Variants in KCNH8 observed in about 807,000 individuals in gnomAD.
The protein encoded by KCNH8 is potassium voltage-gated channel subfamily H member 8.
In KCNH8, 70 loss-of-function variants were observed where a neutral mutation model predicts 103.6. That is an observed-to-expected ratio of 0.68 (90% CI 0.56 to 0.82). KCNH8 has a LOEUF of 0.82. Among genes scored for constraint, KCNH8 ranks in the 40% least tolerant of loss-of-function variants. The probability of loss-of-function intolerance (pLI) is 0.00; values close to 1 mark genes in which losing one functional copy is unlikely to be tolerated. For synonymous variants in KCNH8, 498 were observed against 489.4 expected (o/e 1.02, Z -0.23); for missense variants, 1,217 against 1,329.9 (o/e 0.92, Z 1.32).
At chr3:19,491,582 T>A (rs2068322706) in intron 11 of KCNH8, among the ~76,000 whole-genome samples, 1 of 152,234 alleles carries the variant, frequency 6.6e-6, no homozygotes, top group Non-Finnish European at 1.5e-5. Flanking sequence ...CTTTATCCAA[T>A]CCACCACTGA....
At chr3:19,356,687 C>T (rs1042558076) in intron 5 of KCNH8, among the ~76,000 whole-genome samples, 1 of 151,950 alleles carries the variant, frequency 6.6e-6, no homozygotes, top group Non-Finnish European at 1.5e-5. Context: ...TCTTACACCA[C>T]AGTTGGAGAA....
chr3:19,507,508 C>G (rs561509491), intron 11 of KCNH8, among the ~76,000 whole-genome samples: 1 of 152,106 alleles, frequency 6.6e-6, no homozygotes, highest in Non-Finnish European at 1.5e-5. Context: ...CCCTTTGTTC[C>G]ATCCCCAGCC....
chr3:19,524,985 G>A (rs1342861734), intron 15 of KCNH8, among the ~76,000 whole-genome samples: 1 of 151,810 alleles, frequency 6.6e-6, no homozygotes, highest in Non-Finnish European at 1.5e-5. Flanking sequence ...AAGGTCGGTT[G>A]TCAGAAGCTG....
Position 19,300,878 on chromosome 3 carries a change from A to G in KCNH8, c.442+19549A>G, listed in dbSNP as rs532876203. 1.6e-4 allele frequency among the ~76,000 whole-genome samples: 24 copies of G among 151,588 alleles called. No homozygotes were observed. In the South Asian group the frequency reaches 4.8e-3, roughly 30 times the overall value. On this transcript the variant is annotated intron_variant, in intron 3 of 15. Coordinates refer to ENST00000328405, the MANE Select transcript of KCNH8 (RefSeq NM_144633.3). ...TAACTCCTTTTAGTTTTATTTCATT[A>G]TTTTCTACCTTTTGCCTAAATCTTT... is the stretch of plus-strand genomic sequence containing the variant.
rs867611252 is a variant in KCNH8, at chr3:19,503,318, A to G, written c.2041-7045A>G. Reference sequence around the variant, plus strand: ...GATGTGGAGAAATAGGAACACTTTTACACTGTTGGTGGGACTGCAACCTAG... The same window carrying G: ...GATGTGGAGAAATAGGAACACTTTTGCACTGTTGGTGGGACTGCAACCTAG... On this transcript the variant is annotated intron_variant, in intron 11 of 15. Coordinates refer to ENST00000328405, the MANE Select transcript of KCNH8 (RefSeq NM_144633.3). Among the ~76,000 whole-genome samples, 4 of 152,182 alleles carry G rather than the reference A, an allele frequency of 2.6e-5. 1 individual carries two copies. The highest frequency in any genetic ancestry group is 7.2e-5 in the African/African-American group (3 of 41,448).
intron 3 of KCNH8, among the ~76,000 whole-genome samples, chr3:19,316,010 C>T (rs2125300345): frequency 6.6e-6 from 1 of 151,858 alleles, no homozygotes; most frequent in South Asian, 2.1e-4. Context: ...GATTGTTACT[C>T]CATTTATTGT....
At chr3:19,395,451 TC>T in intron 7 of KCNH8, 140 bp downstream of exon 7, 1 of 588,724 alleles carries the variant, frequency 1.7e-6, no homozygotes, top group Non-Finnish European at 2.9e-6. Context: ...TATTTTTGAA[TC>T]CATGACACAA....
intron 7 of KCNH8, among the ~76,000 whole-genome samples, chr3:19,436,274 T>C (rs1392950647): frequency 6.6e-6 from 1 of 152,182 alleles, no homozygotes; most frequent in African/African-American, 2.4e-5. Context: ...TCATTCAAAA[T>C]GTTCTTTAGG....
intron 6 of KCNH8, among the ~76,000 whole-genome samples, chr3:19,391,217 A>G (rs1438049503): frequency 6.6e-6 from 1 of 152,070 alleles, no homozygotes; most frequent in Non-Finnish European, 1.5e-5. Context: ...GTTCTCTTGA[A>G]TTTGCATGAA....
intron 5 of KCNH8, among the ~76,000 whole-genome samples, chr3:19,371,216 A>G (rs1286270947): frequency 1.4e-5 from 2 of 147,622 alleles, no homozygotes; most frequent in Admixed American, 6.8e-5. Context: ...ACTAGTTTAC[A>G]GTCCCACCAA....
chr3:19,155,463 A>G (rs1225629309), intron 1 of KCNH8, among the ~76,000 whole-genome samples: 2 of 152,140 alleles, frequency 1.3e-5, no homozygotes, highest in Non-Finnish European at 2.9e-5. Flanking sequence ...CATTGTTCCC[A>G]GAGTGATTTC....
chr3:19,334,883 A>G (rs559388323), intron 3 of KCNH8, among the ~76,000 whole-genome samples: 70 of 152,174 alleles, frequency 4.6e-4, no homozygotes, highest in Admixed American at 1.0e-3. Context: ...AAATGTGTAT[A>G]TACTATTTAA....
intron 5 of KCNH8, among the ~76,000 whole-genome samples, chr3:19,355,806 A>AG (rs2065874042): frequency 6.6e-6 from 1 of 152,036 alleles, no homozygotes; most frequent in Non-Finnish European, 1.5e-5. Context: ...TGGGTGCAGC[A>AG]CACCAACATG....
At position 19,449,674 on chromosome 3, in the gene KCNH8, AAAGT is replaced by A. The variant is rs2067414808; in HGVS notation, c.1376-429_1376-426del. Among the ~76,000 whole-genome samples, 3 of 152,252 alleles carry A rather than the reference AAAGT, an allele frequency of 2.0e-5. No homozygotes were observed. The East Asian group carries it at 5.8e-4, about 29-fold the overall frequency. On this transcript the variant is annotated intron_variant, in intron 8 of 15. Coordinates refer to ENST00000328405, the MANE Select transcript of KCNH8 (RefSeq NM_144633.3). ...ATTTATTTCATTCATTACTATTATA[AAAGT>A]AATTATTAAACTATAACTTTATAGC...
At chr3:19,270,665 A>G (rs993516703) in intron 2 of KCNH8, among the ~76,000 whole-genome samples, 1 of 152,134 alleles carries the variant, frequency 6.6e-6, no homozygotes, top group Admixed American at 6.6e-5. Flanking sequence ...CATGTCTGCC[A>G]AGTTGTGACT....
At chr3:19,359,784 A>G (rs576068254) in intron 5 of KCNH8, among the ~76,000 whole-genome samples, 1 of 152,192 alleles carries the variant, frequency 6.6e-6, no homozygotes, top group Admixed American at 6.6e-5. Context: ...ACGTTTATAT[A>G]CAAAAGGGGT....
At chr3:19,449,291 CATATATATATAT>C (rs71055066) in intron 8 of KCNH8, among the ~76,000 whole-genome samples, 1 of 140,142 alleles carries the variant, frequency 7.1e-6, no homozygotes, top group Non-Finnish European at 1.6e-5. Context: ...ACAAGAGTCC[CATATATATATAT>C]ATATATATAT....
chr3:19,437,783 T>G (rs1388603778), intron 7 of KCNH8, among the ~76,000 whole-genome samples: 1 of 152,212 alleles, frequency 6.6e-6, no homozygotes, highest in Non-Finnish European at 1.5e-5. Context: ...TTTGAAATAT[T>G]TACTCAATTT....
At chr3:19,291,761 A>C (rs200541142) in intron 3 of KCNH8, among the ~76,000 whole-genome samples, 22 of 152,182 alleles carry the variant, frequency 1.4e-4, no homozygotes, top group African/African-American at 4.6e-4. Flanking sequence ...CTATTAGGTC[A>C]GCTTGGTGCA....
Sources: allele counts gnomAD v4.1 joint callset (sites outside exome capture counted in the v4.1 genomes callset), GRCh38; gene constraint gnomAD v4.1.1; transcripts MANE v1.5; gene names NCBI Gene and HGNC (gene_info 2026-07-23, HGNC 2026-07-21).